Variants in NRG1 observed in about 807,000 individuals in gnomAD.
NRG1 encodes pro-neuregulin-1, membrane-bound isoform.
Under a neutral mutation model 63.8 loss-of-function variants are expected in NRG1, and 18 were observed. The observed-to-expected ratio is 0.28, with a 90% CI of 0.19 to 0.42. The LOEUF is 0.42. NRG1 is among the 10% of genes least tolerant of loss of function. The pLI is 1.00. For missense variants in NRG1, 762 were observed against 814.7 expected (o/e 0.94, Z 0.79); for synonymous variants, 302 against 301.3 (o/e 1.00, Z -0.02).
In NRG1 at chr8:32,668,844, C is replaced by T. The variant is rs117190970; in HGVS notation, c.502+51959C>T. ...TATCAATAGCCTTTATTATTATAAT[C>T]GGTATGGGCCTAACTTCTGCTAGCA... On this transcript the variant is annotated intron_variant, in intron 5 of 11. Transcript: ENST00000356819. Among the ~76,000 whole-genome samples, 570 of 152,172 alleles carry T rather than the reference C, an allele frequency of 3.7e-3. 3 individuals carry two copies. Among genetic ancestry groups the T allele is most frequent in the Middle Eastern group, 6.8e-3 (2 of 294 alleles).
chr8:32,718,172 T>C (rs1328889742), intron 5 of NRG1, among the ~76,000 whole-genome samples: 1 of 152,184 alleles, frequency 6.6e-6, no homozygotes, highest in East Asian at 1.9e-4. Context: ...ATATTGAGAA[T>C]GGGCCTCAGT....
chr8:31,981,974 G>A (rs1473579042), intron 1 of NRG1, among the ~76,000 whole-genome samples: 2 of 151,884 alleles, frequency 1.3e-5, no homozygotes, highest in Non-Finnish European at 2.9e-5. Context: ...GGTGAGGAAG[G>A]ATCTTTTGTG....
chr8:31,810,906 T>G (rs1344494543), intron 1 of NRG1, among the ~76,000 whole-genome samples: 3 of 152,216 alleles, frequency 2.0e-5, no homozygotes, highest in Admixed American at 2.0e-4. Flanking sequence ...AAGGGCTTCA[T>G]GAAGGTTTTG....
At chr8:32,365,796 T>A (rs1293549051) in intron 1 of NRG1, among the ~76,000 whole-genome samples, 1 of 152,192 alleles carries the variant, frequency 6.6e-6, no homozygotes, top group East Asian at 1.9e-4. Flanking sequence ...CAGATTGTAG[T>A]TTGCTCACCC....
rs1818080666 is a variant in NRG1, at chr8:31,766,530, A to G, written c.37+127099A>G. 2.0e-5 allele frequency among the ~76,000 whole-genome samples: 3 copies of G among 152,206 alleles called. No individual in the cohort carries two copies. The South Asian group carries it at 6.2e-4, about 31-fold the overall frequency. On this transcript the variant is annotated intron_variant, in intron 1 of 10. Coordinates refer to the NRG1 transcript ENST00000519301. ...AAGCCCCTGTGCAAACCCCTAGGAA[A>G]TGTCAGTAGAGTCAATTTCTGAAAA...
chr8:32,388,356 T>C (rs150179453), intron 1 of NRG1, among the ~76,000 whole-genome samples: 1 of 152,344 alleles, frequency 6.6e-6, no homozygotes, highest in Non-Finnish European at 1.5e-5. Context: ...GAGGATATGT[T>C]ATTAATTAGC....
At chr8:31,824,332 T>C (rs1415786348) in intron 1 of NRG1, among the ~76,000 whole-genome samples, 3 of 152,100 alleles carry the variant, frequency 2.0e-5, no homozygotes, top group African/African-American at 7.2e-5. Flanking sequence ...GCTTCATCCA[T>C]GTCCCTACAA....
At chr8:32,719,804 A>G (rs1381900325) in intron 5 of NRG1, among the ~76,000 whole-genome samples, 1 of 151,932 alleles carries the variant, frequency 6.6e-6, no homozygotes, top group Non-Finnish European at 1.5e-5. Context: ...TTGTCCTGTA[A>G]AGTTCTCTGG....
At chr8:32,539,681 C>T (rs1390629472) in intron 1 of NRG1, among the ~76,000 whole-genome samples, 1 of 151,770 alleles carries the variant, frequency 6.6e-6, no homozygotes, top group Non-Finnish European at 1.5e-5. Flanking sequence ...GAATTATCAA[C>T]ATTTGAGGTA....
At chr8:32,351,972 A>T (rs1805662594) in intron 1 of NRG1, among the ~76,000 whole-genome samples, 1 of 151,920 alleles carries the variant, frequency 6.6e-6, no homozygotes, top group South Asian at 2.1e-4. Context: ...CAGATGTTAA[A>T]GAAGTGCTTC....
chr8:32,146,783 G>A (rs1395033915), intron 1 of NRG1, among the ~76,000 whole-genome samples: 1 of 151,538 alleles, frequency 6.6e-6, no homozygotes, highest in East Asian at 1.9e-4. Flanking sequence ...CTATATATTT[G>A]TCTCCTGAAA....
intron 1 of NRG1, among the ~76,000 whole-genome samples, chr8:32,440,308 G>A (rs760694904): frequency 2.6e-5 from 4 of 151,968 alleles, no homozygotes; most frequent in Middle Eastern, 3.2e-3. Context: ...CATAGCACCC[G>A]GCTAATTTTC....
At chr8:32,521,525 A>G (rs1004737426) in intron 1 of NRG1, among the ~76,000 whole-genome samples, 5 of 152,206 alleles carry the variant, frequency 3.3e-5, no homozygotes, top group African/African-American at 1.2e-4. Context: ...GAAGTGCTCA[A>G]AAGAGTTTAC....
chr8:31,886,621 G>A (rs1830734505), intron 1 of NRG1, among the ~76,000 whole-genome samples: 1 of 152,086 alleles, frequency 6.6e-6, no homozygotes, highest in Non-Finnish European at 1.5e-5. Context: ...TCTTTTTAAT[G>A]TGTCTGTTGT....
chr8:32,358,440 G>A (rs1364697044), intron 1 of NRG1, among the ~76,000 whole-genome samples: 1 of 150,882 alleles, frequency 6.6e-6, no homozygotes, highest in Non-Finnish European at 1.5e-5. Context: ...GGTCAGAGAT[G>A]CTGTCCCTGA....
chr8:32,592,771 G>A (rs562555685), intron 1 of NRG1, among the ~76,000 whole-genome samples: 2 of 152,252 alleles, frequency 1.3e-5, no homozygotes, highest in East Asian at 3.9e-4. Flanking sequence ...GGTCCTTAAA[G>A]AGAAGGTATC....
intron 1 of NRG1, among the ~76,000 whole-genome samples, chr8:31,857,279 G>T (rs1585301153): frequency 2.0e-5 from 3 of 152,248 alleles, no homozygotes; most frequent in Non-Finnish European, 4.4e-5. Context: ...GTGGGTGTAG[G>T]ACCCTCTGAG....
At chr8:32,190,549 A>T (rs1842392575) in intron 1 of NRG1, among the ~76,000 whole-genome samples, 1 of 152,206 alleles carries the variant, frequency 6.6e-6, no homozygotes, top group Non-Finnish European at 1.5e-5. Flanking sequence ...AAGTACTCTG[A>T]AGAGCAAGCA....
At chr8:32,348,245 T>TTTTTG (rs779711996) in intron 1 of NRG1, among the ~76,000 whole-genome samples, 10 of 152,196 alleles carry the variant, frequency 6.6e-5, no homozygotes, top group South Asian at 2.1e-4. Context: ...CTTCTGTGTT[T>TTTTTG]TTTTGTTTTG....
Sources: allele counts gnomAD v4.1 joint callset (sites outside exome capture counted in the v4.1 genomes callset), GRCh38; gene constraint gnomAD v4.1.1; transcripts MANE v1.5; gene names NCBI Gene and HGNC (gene_info 2026-07-23, HGNC 2026-07-21).